Variants in FREM2 observed in about 807,000 individuals in gnomAD.
The protein encoded by FREM2 is FRAS1 related extracellular matrix 2, also known as FRAS1-related extracellular matrix protein 2.
A neutral mutation model predicts 219.9 loss-of-function variants in FREM2; 119 were observed. The ratio of observed to expected loss-of-function variants is 0.54; its 90% CI spans 0.47 to 0.63. The LOEUF (loss-of-function observed/expected upper bound fraction) is 0.63. FREM2 is among the 30% of genes least tolerant of loss of function. The pLI, the probability that FREM2 is intolerant of heterozygous loss-of-function variation, is 0.00. For synonymous variants in FREM2, 1,562 were observed against 1,522.8 expected (o/e 1.03, Z -0.60); for missense variants, 4,030 against 3,993.6 (o/e 1.01, Z -0.25).
At position 38,828,297 on chromosome 13, in the gene FREM2, A is replaced by G. The variant is rs1027403096; in HGVS notation, c.6020-18276A>G. 2.6e-5 allele frequency among the ~76,000 whole-genome samples: 4 copies of G among 152,282 alleles called. No individual in the cohort carries two copies. The East Asian group carries it at 7.7e-4, about 29-fold the overall frequency. On this transcript the variant is annotated intron_variant, in intron 6 of 23. Coordinates refer to ENST00000280481, the MANE Select transcript of FREM2 (RefSeq NM_207361.6). Reference sequence around the variant, plus strand: ...ATTGAGTTAGTAGATAGATAAAGACAGAAATATATATAAAGTGCTTAGAAC... The same window carrying G: ...ATTGAGTTAGTAGATAGATAAAGACGGAAATATATATAAAGTGCTTAGAAC...
At chr13:38,765,816 A>AC (rs1566134227) in intron 3 of FREM2, among the ~76,000 whole-genome samples, 1 of 151,552 alleles carries the variant, frequency 6.6e-6, no homozygotes, top group Non-Finnish European at 1.5e-5. Context: ...CCGCGGCCTC[A>AC]CCCCCAGCCT....
chr13:38,722,718 A>G (rs555561112), intron 2 of FREM2, among the ~76,000 whole-genome samples: 1 of 150,784 alleles, frequency 6.6e-6, no homozygotes, highest in Non-Finnish European at 1.5e-5. Flanking sequence ...GGATAAAAAT[A>G]ATCAAGCAGA....
intron 6 of FREM2, 141 bp from the exon 7 acceptor site, chr13:38,846,432 G>A: frequency 1.3e-6 from 1 of 772,476 alleles, no homozygotes; most frequent in Non-Finnish European, 2.1e-6. Context: ...TTAAAGAGAT[G>A]TTATCTCACT....
At chr13:38,790,373 T>TC (rs1033095829) in intron 6 of FREM2, among the ~76,000 whole-genome samples, 1 of 152,182 alleles carries the variant, frequency 6.6e-6, no homozygotes, top group African/African-American at 2.4e-5. Context: ...TATTTTTTTT[T>TC]CAATTCTGTC....
chr13:38,730,314 T>C (rs1267640765), intron 2 of FREM2, among the ~76,000 whole-genome samples: 1 of 152,264 alleles, frequency 6.6e-6, no homozygotes, highest in Non-Finnish European at 1.5e-5. Flanking sequence ...ATGATATTTC[T>C]TTTTGTTTAT....
intron 21 of FREM2, 72 bp downstream of exon 21, chr13:38,877,315 G>T: frequency 6.6e-7 from 1 of 1,516,682 alleles, no homozygotes. Context: ...TTTGGGGATT[G>T]TGTTTGAGGG....
At chr13:38,874,021 A>G (rs1878257455) in intron 17 of FREM2, among the ~76,000 whole-genome samples, 2 of 152,132 alleles carry the variant, frequency 1.3e-5, no homozygotes, top group Admixed American at 1.3e-4. Flanking sequence ...TCTTGTTTCC[A>G]TCTGATTTCT....
At chr13:38,698,874 T>C (rs1870227765) in intron 2 of FREM2, among the ~76,000 whole-genome samples, 1 of 152,184 alleles carries the variant, frequency 6.6e-6, no homozygotes, top group Non-Finnish European at 1.5e-5. Context: ...CAAAATGTGT[T>C]ATGTTGGGTT....
At position 38,687,585 on chromosome 13, in the gene FREM2, G is replaced by A. The variant is rs1239448724; in HGVS notation, c.241G>A (p.Val81Met). ...AGTGCTGGCGAACCGCGGACTCCGGGTGCCTTTCGGCCGTGAAGTCTGGCT... is the reference window on the plus strand; with the variant it reads ...AGTGCTGGCGAACCGCGGACTCCGGATGCCTTTCGGCCGTGAAGTCTGGCT... ...AIVLANRGLR[V>M]PFGREVWLDP... The change falls in exon 1 of 24, where the codon GTG (valine) becomes ATG (methionine). Residue 81 changes from valine to methionine, a missense_variant. By Grantham distance (21) the Val-to-Met change is conservative. Transcript: ENST00000280481. 6 of 1,607,092 alleles carry A rather than the reference G, an allele frequency of 3.7e-6. No individual in the cohort carries two copies. Among genetic ancestry groups the A allele is most frequent in the South Asian group, 2.2e-5 (2 of 90,056 alleles).
At chr13:38,832,144 G>A (rs1452116805) in intron 6 of FREM2, among the ~76,000 whole-genome samples, 2 of 151,644 alleles carry the variant, frequency 1.3e-5, no homozygotes, top group Middle Eastern at 3.4e-3. Context: ...GTGAAACCCC[G>A]TCTCTACTAA....
intron 4 of FREM2, among the ~76,000 whole-genome samples, chr13:38,774,308 G>A (rs910074007): frequency 2.0e-5 from 3 of 152,144 alleles, no homozygotes; most frequent in African/African-American, 7.2e-5. Context: ...TGCATAATGT[G>A]TCTGTATATT....
chr13:38,826,549 C>T (rs1876296153), intron 6 of FREM2, among the ~76,000 whole-genome samples: 1 of 150,528 alleles, frequency 6.6e-6, no homozygotes, highest in Admixed American at 6.6e-5. Flanking sequence ...GGAGTCCCTT[C>T]CTGTGCTGCC....
rs1254619750 is a variant in FREM2 at position 38,884,106 on chromosome 13, T to A, written c.*3319T>A. ...CCCTCTCAGAAGAATCCACAGTGTT[T>A]GAACAATTTGCATAAAGGTCAGCTA... is the stretch of plus-strand genomic sequence containing the variant. On this transcript the variant is annotated 3_prime_UTR_variant, in exon 24 of 24. Transcript: ENST00000280481. 1 of 152,184 alleles carries A rather than the reference T, an allele frequency of 6.6e-6. No homozygotes were observed. The highest frequency in any genetic ancestry group is 1.5e-5 in the Non-Finnish European group (1 of 68,052). The allele number at this position is 152,184 out of a possible 1,614,324, so 9.4% of individuals were successfully genotyped here.
At chr13:38,794,900 C>A (rs1372197295) in intron 6 of FREM2, among the ~76,000 whole-genome samples, 1 of 152,054 alleles carries the variant, frequency 6.6e-6, no homozygotes, top group Non-Finnish European at 1.5e-5. Flanking sequence ...CATGAATAAT[C>A]CAGTTAAACC....
At chr13:38,709,300 G>A (rs905790859) in intron 2 of FREM2, among the ~76,000 whole-genome samples, 1 of 152,026 alleles carries the variant, frequency 6.6e-6, no homozygotes, top group African/African-American at 2.4e-5. Context: ...AGACATCTCC[G>A]CTGTGTTTCC....
intron 14 of FREM2, 81 bp from the exon 15 acceptor site, chr13:38,861,350 T>C: frequency 7.1e-7 from 1 of 1,417,108 alleles, no homozygotes; most frequent in Non-Finnish European, 9.9e-7. Flanking sequence ...AGAAAAATAA[T>C]AGCTCCTATT....
At chr13:38,836,390 G>A (rs1452617193) in intron 6 of FREM2, among the ~76,000 whole-genome samples, 1 of 152,086 alleles carries the variant, frequency 6.6e-6, no homozygotes, top group Non-Finnish European at 1.5e-5. Flanking sequence ...ATCAGGGATA[G>A]TGGCCTGAAA....
At chr13:38,838,295 T>C (rs1593437715) in intron 6 of FREM2, among the ~76,000 whole-genome samples, 3 of 152,346 alleles carry the variant, frequency 2.0e-5, no homozygotes, top group Admixed American at 2.0e-4. Context: ...GCCCCCACTC[T>C]CTTCTGGCTT....
chr13:38,782,610 G>A (rs1222724587), intron 4 of FREM2, among the ~76,000 whole-genome samples: 4 of 152,196 alleles, frequency 2.6e-5, no homozygotes, highest in Non-Finnish European at 5.9e-5. Flanking sequence ...CAAGATCTGA[G>A]TTCTAATCCT....
Sources: allele counts gnomAD v4.1 joint callset (sites outside exome capture counted in the v4.1 genomes callset), GRCh38; gene constraint gnomAD v4.1.1; transcripts MANE v1.5; gene names NCBI Gene and HGNC (gene_info 2026-07-23, HGNC 2026-07-21).